The following ZIM2 variants were observed in gnomAD, a reference collection of about 807,000 sequenced individuals.
ZIM2 encodes the protein zinc finger protein 656.
Under a neutral mutation model 38.6 loss-of-function variants are expected in ZIM2, and 14 were observed. The observed-to-expected ratio is 0.36, with a 90% CI of 0.24 to 0.57. The LOEUF is 0.57. Among genes scored for constraint, ZIM2 ranks in the 20% least tolerant of loss-of-function variants. The pLI, the probability that ZIM2 is intolerant of heterozygous loss-of-function variation, is 0.81. For synonymous variants in ZIM2, 247 were observed against 245.8 expected (o/e 1.00, Z -0.04); for missense variants, 680 against 695.1 (o/e 0.98, Z 0.24).
chr19:56,821,990 G>C (rs1309090585), intron 6 of ZIM2, among the ~76,000 whole-genome samples: 1 of 152,098 alleles, frequency 6.6e-6, no homozygotes, highest in Non-Finnish European at 1.5e-5. Flanking sequence ...CCCAGTCTCG[G>C]AGGTGGTTCA....
chr19:56,816,037 A>G (rs1208600581), intron 9 of ZIM2: 2 of 1,596,434 alleles, frequency 1.3e-6, no homozygotes, highest in Non-Finnish European at 1.7e-6. Flanking sequence ...AGACTCTGCC[A>G]TTACTTTTGG....
Position 56,822,745 on chromosome 19 carries a change from A to G in ZIM2, c.190+8T>C. ...CTCCTACTGGGAAAGAAAGTGGTTA[A>G]GACTCACTGCTTCTTGGGTTCCTGG... On this transcript the variant is annotated splice_region_variant and intron_variant, in intron 6 of 12. Transcript: ENST00000629319. The G allele has an allele frequency of 6.2e-7, 1 of 1,614,002 alleles. No individual in the cohort carries two copies. Among genetic ancestry groups the G allele is most frequent in the Non-Finnish European group, 8.5e-7 (1 of 1,179,988 alleles).
intron 10 of ZIM2, 142 bp downstream of exon 10, chr19:56,789,730 C>A (rs2046823618): frequency 7.3e-6 from 5 of 689,132 alleles, no homozygotes; most frequent in Non-Finnish European, 1.1e-5. Flanking sequence ...TCAGATTAGT[C>A]AGAAAAAAGG....
chr19:56,814,519 G>C lies in ZIM2; in HGVS notation c.490+3227C>G. 6.2e-7 allele frequency: 1 copy of C among 1,613,974 alleles called. No individual in the cohort carries two copies. Among genetic ancestry groups the C allele is most frequent in the Non-Finnish European group, 8.5e-7 (1 of 1,179,908 alleles). Reference sequence around the variant, plus strand: ...AGTATAGGAGGACCCGTACTCATAGGGCTCATTCTTATGAACAGTTACGTG... The same window carrying C: ...AGTATAGGAGGACCCGTACTCATAGCGCTCATTCTTATGAACAGTTACGTG... On this transcript the variant is annotated intron_variant, in intron 9 of 12. Coordinates refer to ENST00000629319, the MANE Select transcript of ZIM2 (RefSeq NM_001387356.1). This position sits in a 1 kb window ranked among gnomAD's most constrained non-coding sequence, Gnocchi z 5.8.
chr19:56,838,256 G>C (rs1348110460), intron 1 of ZIM2, among the ~76,000 whole-genome samples: 1 of 152,052 alleles, frequency 6.6e-6, no homozygotes, highest in Admixed American at 6.5e-5. Flanking sequence ...CAGTGGACCA[G>C]GCTCGGCAGC....
At chr19:56,806,888 C>T (rs535829152) in intron 9 of ZIM2, among the ~76,000 whole-genome samples, 2 of 152,312 alleles carry the variant, frequency 1.3e-5, no homozygotes, top group East Asian at 3.9e-4. Context: ...CATCAGACTC[C>T]ATATTTGCTG....
intron 2 of ZIM2, among the ~76,000 whole-genome samples, chr19:56,828,813 T>C (rs1357453167): frequency 1.3e-5 from 2 of 152,114 alleles, no homozygotes; most frequent in Non-Finnish European, 1.5e-5. Flanking sequence ...ATCAAAGAAA[T>C]GTAAAATATT....
At position 56,815,055 on chromosome 19, in the gene ZIM2, G is replaced by A. The variant is rs145101725; in HGVS notation, c.490+2691C>T. 5.0e-5 allele frequency: 81 copies of A among 1,614,034 alleles called. No homozygotes were observed. In the African/African-American group the frequency reaches 9.3e-4, roughly 19 times the overall value. ...GACTGTCAACCAGGCACTTCCTGCT[G>A]TGGACTTTCTGATGGTCTGTGAGGT... is the stretch of plus-strand genomic sequence containing the variant. On this transcript the variant is annotated intron_variant, in intron 9 of 12. Transcript: ENST00000629319.
chr19:56,840,109 C>T (rs939485728), intron 1 of ZIM2, among the ~76,000 whole-genome samples: 1 of 152,224 alleles, frequency 6.6e-6, no homozygotes, highest in Non-Finnish European at 1.5e-5. Context: ...TTCGCAGCCC[C>T]CAGACCCAGC....
intron 9 of ZIM2, chr19:56,816,859 G>C (rs770674749): frequency 8.1e-6 from 13 of 1,614,062 alleles, no homozygotes; most frequent in Middle Eastern, 1.6e-4. Context: ...ATAACCTCTA[G>C]CATGAATCTT....
At chr19:56,820,171 T>A (rs1339765472) in intron 7 of ZIM2, among the ~76,000 whole-genome samples, 1 of 152,250 alleles carries the variant, frequency 6.6e-6, no homozygotes, top group South Asian at 2.1e-4. Flanking sequence ...ATGGAAGAGA[T>A]GCTGTTCTGA....
intron 6 of ZIM2, 149 bp downstream of exon 6, chr19:56,822,604 A>C: frequency 9.2e-7 from 1 of 1,087,084 alleles, no homozygotes; most frequent in Non-Finnish European, 1.3e-6. Flanking sequence ...GAACTTCAAA[A>C]ATACGAGCCT....
At chr19:56,813,912 G>GC in intron 9 of ZIM2, 1 of 1,614,144 alleles carries the variant, frequency 6.2e-7, no homozygotes, top group Non-Finnish European at 8.5e-7. Flanking sequence ...AGGTTTCTGT[G>GC]CATTCATGGC....
At chr19:56,824,978 G>A in intron 3 of ZIM2, 1 of 265,480 alleles carries the variant, frequency 3.8e-6, no homozygotes, top group East Asian at 6.7e-5. Flanking sequence ...ACTTGGGACT[G>A]TGGGCAACTT....
chr19:56,823,575 G>A lies in ZIM2; in HGVS notation c.106+15C>T. The A allele has an allele frequency of 6.2e-7, 1 of 1,614,058 alleles. No individual in the cohort carries two copies. Among genetic ancestry groups the A allele is most frequent in the South Asian group, 1.1e-5 (1 of 91,074 alleles). On this transcript the variant is annotated intron_variant, in intron 5 of 12. Coordinates refer to ENST00000629319, the MANE Select transcript of ZIM2 (RefSeq NM_001387356.1). ...AGCGCCTGCCCATGGGTGACCAGTG[G>A]GGATGGGTACTCACCACTGAAAGAA...
chr19:56,793,767 T>G (rs1439615283), intron 9 of ZIM2, among the ~76,000 whole-genome samples: 2 of 151,978 alleles, frequency 1.3e-5, no homozygotes, highest in Non-Finnish European at 2.9e-5. Flanking sequence ...TATATTGGAA[T>G]GCTAAACAGA....
At chr19:56,823,413 G>C (rs981304920) in intron 5 of ZIM2, among the ~76,000 whole-genome samples, 177 bp downstream of exon 5, 9 of 152,158 alleles carry the variant, frequency 5.9e-5, no homozygotes, top group Admixed American at 5.9e-4. Context: ...TGTCTGTTTA[G>C]ATATAAAAAT....
chr19:56,834,545 C>A, intron 2 of ZIM2, among the ~76,000 whole-genome samples: 1 of 152,162 alleles, frequency 6.6e-6, no homozygotes, highest in East Asian at 1.9e-4. Context: ...AATTAATAAA[C>A]CAGAATTGTG....
In ZIM2 at chr19:56,817,698, CA is replaced by C. The variant is rs758974767; in HGVS notation, c.490+47del. 17 of 1,566,772 alleles carry C rather than the reference CA, an allele frequency of 1.1e-5. No individual in the cohort carries two copies. The Admixed American group carries it at 2.7e-4, about 25-fold the overall frequency. ...GCAAAGTGTAGAAGTTCCTTGATAG[CA>C]TCTCACTGGTTGTGTGGCTCCTCTG... On this transcript the variant is annotated intron_variant, in intron 9 of 12. Transcript: ENST00000629319.
Sources: gnomAD v4.1 joint callset for allele counts (sites outside exome capture counted in the v4.1 genomes callset) on GRCh38, gnomAD v4.1.1 for gene constraint, Gnocchi (gnomAD v3.1) non-coding constraint, MANE v1.5 for transcripts, NCBI Gene and HGNC (gene_info 2026-07-23, HGNC 2026-07-21) for gene names.